KDM6A: variants seen among roughly 807,000 people sequenced by gnomAD.
KDM6A encodes the protein lysine demethylase 6A, also known as lysine-specific demethylase 6A.
A neutral mutation model predicts 117.6 loss-of-function variants in KDM6A; 11 were observed. That is an observed-to-expected ratio of 0.09 (90% CI 0.06 to 0.15). The LOEUF is 0.15. KDM6A is among the 10% of genes least tolerant of loss of function. KDM6A has a pLI of 1.00. For missense variants in KDM6A, 799 were observed against 1,077.3 expected, an observed-to-expected ratio of 0.74 and a Z score of 3.62; for synonymous variants, 384 against 396.1, an observed-to-expected ratio of 0.97 and a Z score of 0.36.
intron 25 of KDM6A, among the ~76,000 whole-genome samples, chrX:45,087,532 A>G (rs954879963): frequency 8.9e-6 from 1 of 112,598 alleles, no homozygotes; most frequent in Non-Finnish European, 1.9e-5. Flanking sequence ...TAACCTGATT[A>G]CTTTAATCTG....
At chrX:44,907,896 T>G (rs1157445969) in intron 2 of KDM6A, among the ~76,000 whole-genome samples, 1 of 109,481 alleles carries the variant, frequency 9.1e-6, no homozygotes, top group East Asian at 2.9e-4. Context: ...TGGCAGCTAG[T>G]GTTTTGATAG....
At chrX:44,930,617 C>T (rs1228860410) in intron 2 of KDM6A, among the ~76,000 whole-genome samples, 1 of 111,739 alleles carries the variant, frequency 8.9e-6, no homozygotes, top group African/African-American at 3.3e-5. Flanking sequence ...TACATGGTAT[C>T]TTATAATTTA....
intron 10 of KDM6A, among the ~76,000 whole-genome samples, chrX:45,055,957 T>G (rs968540642): frequency 9.0e-6 from 1 of 111,440 alleles, no homozygotes; most frequent in Admixed American, 9.5e-5. Flanking sequence ...ATGCTGTAAT[T>G]TTCAGCTTCG....
intron 4 of KDM6A, among the ~76,000 whole-genome samples, chrX:44,997,708 G>A (rs1051276292): frequency 5.4e-5 from 6 of 111,600 alleles, no homozygotes; most frequent in Non-Finnish European, 9.4e-5. Context: ...CAGCAGTCCC[G>A]TATCAGAAGC....
chrX:45,074,012 A>G (rs2044991229), intron 18 of KDM6A, among the ~76,000 whole-genome samples: 1 of 112,106 alleles, frequency 8.9e-6, no homozygotes, highest in South Asian at 3.7e-4. Flanking sequence ...TTTTAGGTCT[A>G]ACGTTTAAGT....
At chrX:45,023,552 T>A (rs1304662569) in intron 6 of KDM6A, among the ~76,000 whole-genome samples, 2 of 111,807 alleles carry the variant, frequency 1.8e-5, no homozygotes, top group African/African-American at 6.5e-5. Flanking sequence ...TTCTGACTCT[T>A]GATTTTCTCT....
At chrX:45,077,984 G>C (rs146090707) in intron 19 of KDM6A, among the ~76,000 whole-genome samples, 2,211 of 111,393 alleles carry the variant, frequency 0.02, 21 homozygotes, top group Non-Finnish European at 0.029. Flanking sequence ...CTATAAATTT[G>C]ACTATTCTAG....
intron 8 of KDM6A, among the ~76,000 whole-genome samples, chrX:45,046,491 A>G (rs760782218): frequency 5.6e-4 from 63 of 111,926 alleles, no homozygotes; most frequent in African/African-American, 1.9e-3. Flanking sequence ...ACAAATTAAC[A>G]TACAGAATTA....
intron 3 of KDM6A, among the ~76,000 whole-genome samples, chrX:44,970,857 T>TCATCCCA (rs1193311383): frequency 8.9e-6 from 1 of 112,056 alleles, no homozygotes; most frequent in African/African-American, 3.2e-5. Flanking sequence ...GCTGTGGGCT[T>TCATCCCA]CATCCCAAGA....
intron 8 of KDM6A, among the ~76,000 whole-genome samples, chrX:45,048,369 T>G (rs2043679347): frequency 9.0e-6 from 1 of 111,253 alleles, no homozygotes; most frequent in Non-Finnish European, 1.9e-5. Context: ...ATTAGCCAGT[T>G]AACTCACACT....
In KDM6A at chrX:45,090,737, T is replaced by A. The variant is rs751482993; in HGVS notation, c.3907T>A (p.Leu1303Met). ...VGPLTACQYKLAVERYEWNKL... is the reference protein window; with the variant it reads ...VGPLTACQYKMAVERYEWNKL... ...TTTTTTCCTAGCCTGCCAGTATAAA[T>A]TGGCAGTGGAACGGTACGAATGGAA... Residue 1303 changes from leucine to methionine, a missense_variant, in exon 27 of 30, where the codon TTG becomes ATG. Coordinates refer to ENST00000611820, the MANE Select transcript of KDM6A (RefSeq NM_001291415.2). 1 of 1,209,747 alleles carries A rather than the reference T, an allele frequency of 8.3e-7. No individual in the cohort carries two copies. The highest frequency in any genetic ancestry group is 2.2e-5 in the Admixed American group (1 of 45,902).
At chrX:45,014,574 G>A (rs1016219210) in intron 5 of KDM6A, among the ~76,000 whole-genome samples, 3 of 112,096 alleles carry the variant, frequency 2.7e-5, no homozygotes, top group Non-Finnish European at 5.6e-5. Context: ...GCAAGCCCCT[G>A]CATTCACTTG....
chrX:45,042,299 GGGAGAGGGAGAGT>G (rs2043300911), intron 8 of KDM6A, among the ~76,000 whole-genome samples: 5 of 77,948 alleles, frequency 6.4e-5, no homozygotes, highest in African/African-American at 2.3e-4. Context: ...GAGGGGAGAG[GGGAGAGGGAGAGT>G]CATTTGATAA....
chrX:44,952,288 T>TTTTTA (rs2038052216), intron 2 of KDM6A, among the ~76,000 whole-genome samples: 3 of 105,254 alleles, frequency 2.9e-5, no homozygotes, highest in Admixed American at 1.0e-4. Context: ...TTTTTTTTTT[T>TTTTTA]GAGACGTAGT....
At chrX:45,088,061 G>A (rs2045722200) in intron 25 of KDM6A, among the ~76,000 whole-genome samples, 2 of 110,754 alleles carry the variant, frequency 1.8e-5, no homozygotes, top group Admixed American at 1.9e-4. Context: ...TTGGGGCGGG[G>A]GGTGTCTGTT....
At chrX:45,109,980 G>A in intron 28 of KDM6A, 99 bp from the exon 29 acceptor site, 1 of 828,957 alleles carries the variant, frequency 1.2e-6, no homozygotes. Context: ...AGAGATCACT[G>A]TCCACAATTT....
intron 4 of KDM6A, among the ~76,000 whole-genome samples, chrX:44,985,206 CTCTG>C (rs2040146609): frequency 9.0e-6 from 1 of 110,901 alleles, no homozygotes; most frequent in South Asian, 3.8e-4. Flanking sequence ...TGATTTGACT[CTCTG>C]TCTGTTATTG....
intron 2 of KDM6A, among the ~76,000 whole-genome samples, chrX:44,917,129 GAT>G (rs1262834448): frequency 3.7e-5 from 4 of 108,475 alleles, no homozygotes; most frequent in Non-Finnish European, 7.6e-5. Context: ...AGGTTCAAGC[GAT>G]TCTCCTGCCT....
intron 4 of KDM6A, among the ~76,000 whole-genome samples, chrX:45,007,229 A>G (rs2041541025): frequency 1.8e-5 from 2 of 112,112 alleles, no homozygotes; most frequent in South Asian, 7.3e-4. Flanking sequence ...TGCCCAGAAA[A>G]GCCTCACCAT....
Sources: gnomAD v4.1 joint callset for allele counts (sites outside exome capture counted in the v4.1 genomes callset) on GRCh38, gnomAD v4.1.1 for gene constraint, MANE v1.5 for transcripts, NCBI Gene and HGNC (gene_info 2026-07-23, HGNC 2026-07-21) for gene names.